Variants in NAV1 observed in about 807,000 individuals in gnomAD.
The protein encoded by NAV1 is pore membrane and/or filament interacting like protein 3.
NAV1 carries 18 observed loss-of-function variants against 175.2 expected under a neutral mutation model. The observed-to-expected ratio is 0.10, with a 90% CI of 0.07 to 0.15. The LOEUF (loss-of-function observed/expected upper bound fraction) is 0.15. Ranked by LOEUF, NAV1 falls within the 10% of genes least tolerant of loss-of-function variation. The pLI is 1.00. For synonymous variants in NAV1, 897 were observed against 978.7 expected, an observed-to-expected ratio of 0.92 and a Z score of 1.56; for missense variants, 1,731 against 2,436.6, an observed-to-expected ratio of 0.71 and a Z score of 6.10.
At chr1:201,627,987 A>G in intron 1 of NAV1, among the ~76,000 whole-genome samples, 1 of 151,928 alleles carries the variant, frequency 6.6e-6, no homozygotes, top group Admixed American at 6.6e-5. Context: ...AAAAATATGA[A>G]AATCAGCTAG....
rs565115084 is a variant in NAV1 at position 201,682,618 on chromosome 1, A to G, written c.758-30199A>G. Among the ~76,000 whole-genome samples the G allele has an allele frequency of 3.3e-5, 5 of 152,260 alleles. 1 individual carries two copies. Among genetic ancestry groups the G allele is most frequent in the African/African-American group, 1.2e-4 (5 of 41,538 alleles). On this transcript the variant is annotated intron_variant, in intron 1 of 29. Coordinates refer to ENST00000367296, the Ensembl canonical transcript of NAV1. The stretch of plus-strand genomic sequence containing the variant: ...AAATCTGTGCATAGTCAAGACCCGC[A>G]TTCAGCTCTGCAGAACCTACGTGCT...
chr1:201,704,037 T>G (rs979371230), intron 1 of NAV1, among the ~76,000 whole-genome samples: 1 of 152,174 alleles, frequency 6.6e-6, no homozygotes, highest in African/African-American at 2.4e-5. Flanking sequence ...AATCAGAGCT[T>G]GCCAAGTGGG....
intron 1 of NAV1, among the ~76,000 whole-genome samples, chr1:201,707,361 G>C (rs527843735): frequency 6.6e-6 from 1 of 152,286 alleles, no homozygotes; most frequent in Admixed American, 6.5e-5. Flanking sequence ...CACCTACTCT[G>C]TTCCAGGCAC....
At chr1:201,785,633 C>T (rs954564134) in intron 8 of NAV1, among the ~76,000 whole-genome samples, 2 of 152,122 alleles carry the variant, frequency 1.3e-5, no homozygotes, top group African/African-American at 4.8e-5. Context: ...CATCCCAATC[C>T]TGGCTGAGCT....
chr1:201,743,965 A>T (rs1416358010), intron 3 of NAV1, among the ~76,000 whole-genome samples: 1 of 152,156 alleles, frequency 6.6e-6, no homozygotes, highest in Non-Finnish European at 1.5e-5. Context: ...GCTCACCGCA[A>T]TGTGTGCCTC....
At position 201,812,507 on chromosome 1, in the gene NAV1, C is replaced by T. The variant is rs747636618; in HGVS notation, c.5067C>T (p.Phe1689=). 48 of 1,614,058 alleles carry T rather than the reference C, an allele frequency of 3.0e-5. No homozygotes were observed. The South Asian group carries it at 5.3e-4, about 18-fold the overall frequency. Residue 1689 remains phenylalanine (F), a synonymous_variant, in exon 27 of 30, where the codon TTC becomes TTT. Transcript: ENST00000367296. This position sits in a 1 kb window ranked among gnomAD's most constrained non-coding sequence, Gnocchi z 4.6. ...ACAACGTGGAGCCAGCCAATGGCTT[C>T]CTGGTTCGTTACCTGAGGAGGAAGC...
At chr1:201,799,301 T>A (rs531894592) in intron 15 of NAV1, among the ~76,000 whole-genome samples, 3 of 152,330 alleles carry the variant, frequency 2.0e-5, no homozygotes, top group East Asian at 3.9e-4. Flanking sequence ...AACATATATT[T>A]GCTGAATGAA....
chr1:201,657,217 C>T lies in NAV1; in HGVS notation c.757+7792C>T, dbSNP rs547328673. 2.6e-5 allele frequency among the ~76,000 whole-genome samples: 4 copies of T among 152,220 alleles called. No homozygotes were observed. In the South Asian group the frequency reaches 8.3e-4, roughly 32 times the overall value. ...CTTGTTCCTCAAGCCAAAATTAATC[C>T]CACTATAGCATCATAGGCAGGTGGG... On this transcript the variant is annotated intron_variant, in intron 1 of 29. Transcript: ENST00000367296.
intron 1 of NAV1, among the ~76,000 whole-genome samples, chr1:201,583,629 A>G (rs961375411): frequency 6.6e-6 from 1 of 152,182 alleles, no homozygotes; most frequent in Non-Finnish European, 1.5e-5. Context: ...TTGGGCAAAC[A>G]ATTGACCTTT....
intron 1 of NAV1, among the ~76,000 whole-genome samples, chr1:201,558,601 C>T (rs960810635): frequency 1.1e-4 from 17 of 152,120 alleles, no homozygotes; most frequent in African/African-American, 4.1e-4. Context: ...TACAGGCGCA[C>T]ACCACCACGC....
chr1:201,544,198 G>C (rs894441289), intron 1 of NAV1, among the ~76,000 whole-genome samples: 2 of 152,172 alleles, frequency 1.3e-5, no homozygotes, highest in East Asian at 3.8e-4. Context: ...TTGGAATGTG[G>C]CTTCAGTGTC....
At chr1:201,647,683 T>G (rs1262189766), upstream of NAV1, among the ~76,000 whole-genome samples, 3 of 151,934 alleles carry the variant, frequency 2.0e-5, no homozygotes, top group African/African-American at 7.3e-5. Context: ...AGGGCAACCT[T>G]GAGCCTCAGA....
At chr1:201,711,576 G>A (rs1018224170) in intron 1 of NAV1, among the ~76,000 whole-genome samples, 6 of 152,234 alleles carry the variant, frequency 3.9e-5, no homozygotes, top group South Asian at 2.1e-4. Flanking sequence ...CTGCAGCAGC[G>A]GCAGAAGGCT....
At chr1:201,559,295 A>G (rs1047870225) in intron 1 of NAV1, among the ~76,000 whole-genome samples, 1 of 152,134 alleles carries the variant, frequency 6.6e-6, no homozygotes, top group African/African-American at 2.4e-5. Context: ...GATGCTCAAT[A>G]AATGTTTCCT....
At chr1:201,623,298 A>C (rs770984748) in exon 1 of NAV1, 4 of 985,978 alleles carry the variant, frequency 4.1e-6, no homozygotes, top group Non-Finnish European at 4.8e-6. Flanking sequence ...AAGGGACTCC[A>C]GTCTGCCAGA....
At chr1:201,557,553 A>G (rs780705234) in intron 1 of NAV1, among the ~76,000 whole-genome samples, 36 of 152,136 alleles carry the variant, frequency 2.4e-4, no homozygotes, top group Non-Finnish European at 4.4e-4. Flanking sequence ...AGCCTCCCCA[A>G]AACACTTAAC....
intron 1 of NAV1, among the ~76,000 whole-genome samples, chr1:201,702,483 C>T (rs1049348640): frequency 6.6e-6 from 1 of 152,182 alleles, no homozygotes; most frequent in African/African-American, 2.4e-5. Flanking sequence ...TTTCCTGCCT[C>T]AGCCTCCCAA....
At chr1:201,679,625 G>A (rs1273627520) in intron 1 of NAV1, among the ~76,000 whole-genome samples, 1 of 152,164 alleles carries the variant, frequency 6.6e-6, no homozygotes, top group Non-Finnish European at 1.5e-5. Flanking sequence ...ATGATAGGCC[G>A]ACAAAGTTGA....
Position 201,782,272 on chromosome 1 carries a change from G to A in NAV1, c.1760G>A (p.Ser587Asn). 6.2e-7 allele frequency: 1 copy of A among 1,614,210 alleles called. No individual in the cohort carries two copies. Reference sequence around the variant, plus strand: ...TCTGATGCTGGTCGGGACCGCCTGAGTGATGCTAAGAAGCCCCCCTCGGGC... The same window carrying A: ...TCTGATGCTGGTCGGGACCGCCTGAATGATGCTAAGAAGCCCCCCTCGGGC... Residue 587 changes from serine to asparagine, a missense_variant, in exon 6 of 30, where the codon AGT becomes AAT. Transcript: ENST00000367296. This position sits in a 1 kb window ranked among gnomAD's most constrained non-coding sequence, Gnocchi z 5.4.
Sources: gnomAD v4.1 joint callset for allele counts (sites outside exome capture counted in the v4.1 genomes callset) on GRCh38, gnomAD v4.1.1 for gene constraint, Gnocchi (gnomAD v3.1) non-coding constraint, MANE v1.5 for transcripts, NCBI Gene and HGNC (gene_info 2026-07-23, HGNC 2026-07-21) for gene names.